The following AGBL4 variants were observed in gnomAD, a reference collection of about 807,000 sequenced individuals.
AGBL4 encodes the protein cytosolic carboxypeptidase 6.
AGBL4 carries 58 observed loss-of-function variants against 66.4 expected under a neutral mutation model. That is an observed-to-expected ratio of 0.87 (90% CI 0.71 to 1.09). The LOEUF (loss-of-function observed/expected upper bound fraction) is 1.09, where lower values mean the gene tolerates loss of function less well. AGBL4 is among the 50% of genes least tolerant of loss of function. AGBL4 has a pLI of 0.00. For synonymous variants in AGBL4, 234 were observed against 222.9 expected (o/e 1.05, Z -0.44); for missense variants, 579 against 631.0 (o/e 0.92, Z 0.88).
intron 5 of AGBL4, among the ~76,000 whole-genome samples, chr1:49,013,634 G>C (rs10788905): frequency 0.55 from 84,196 of 151,866 alleles, 23,909 homozygotes; most frequent in Non-Finnish European, 0.61. Flanking sequence ...CACCTCTTCT[G>C]TATTCTATTT....
rs138833188 is a variant in AGBL4, at chr1:48,700,131, C to A, written c.635-36890G>T. ...CCCCTTTCCCTTCCCCTTGCCTCCA[C>A]CTAGAAGGTGCCCAGCAGATAATTT... On this transcript the variant is annotated intron_variant, in intron 6 of 13. Coordinates refer to ENST00000371839, the MANE Select transcript of AGBL4 (RefSeq NM_032785.4). 4.3e-3 allele frequency among the ~76,000 whole-genome samples: 659 copies of A among 152,282 alleles called. 1 individual carries two copies. The highest frequency in any genetic ancestry group is 5.6e-3 in the Non-Finnish European group (382 of 68,032).
At chr1:49,756,389 C>T (rs942757168) in intron 2 of AGBL4, among the ~76,000 whole-genome samples, 1 of 152,120 alleles carries the variant, frequency 6.6e-6, no homozygotes. Flanking sequence ...AGGAGTTTTG[C>T]TCTTAAAGGA....
At position 48,724,737 on chromosome 1, in the gene AGBL4, C is replaced by T. The variant is rs371294588; in HGVS notation, c.635-61496G>A. 7.2e-5 allele frequency among the ~76,000 whole-genome samples: 11 copies of T among 152,178 alleles called. No homozygotes were observed. The East Asian group carries it at 1.9e-3, about 27-fold the overall frequency. Reference sequence around the variant, plus strand: ...TTTTCTCTATAATTACAAAAAAAATCGCAAGTTAGAAATGCCTACAGGAAG... The same window carrying T: ...TTTTCTCTATAATTACAAAAAAAATTGCAAGTTAGAAATGCCTACAGGAAG... On this transcript the variant is annotated intron_variant, in intron 6 of 13. Transcript: ENST00000371839.
rs574802433 is a variant in AGBL4, at chr1:48,733,593, G to C, written c.635-70352C>G. On this transcript the variant is annotated intron_variant, in intron 6 of 13. Coordinates refer to ENST00000371839, the MANE Select transcript of AGBL4 (RefSeq NM_032785.4). Reference sequence around the variant, plus strand: ...CAGATGATGCTGAGTTCCAGCTGGGGTTGGAGCTAAGGAGTGTGTAATGGC... The same window carrying C: ...CAGATGATGCTGAGTTCCAGCTGGGCTTGGAGCTAAGGAGTGTGTAATGGC... Among the ~76,000 whole-genome samples, 11 of 152,328 alleles carry C rather than the reference G, an allele frequency of 7.2e-5. No homozygotes were observed. In the South Asian group the frequency reaches 2.3e-3, roughly 32 times the overall value.
In AGBL4 at chr1:49,871,448, CTAAT is replaced by C. The variant is rs530435784; in HGVS notation, c.35-19934_35-19931del. ...GTTATCACTTTGGCTGAGTGAATGACTAATTATATAATGACCTGTGATCCTATTC... is the reference window on the plus strand; with the variant it reads ...GTTATCACTTTGGCTGAGTGAATGACTATATAATGACCTGTGATCCTATTC... On this transcript the variant is annotated intron_variant, in intron 1 of 13. Coordinates refer to ENST00000371839, the MANE Select transcript of AGBL4 (RefSeq NM_032785.4). Among the ~76,000 whole-genome samples, 803 of 152,128 alleles carry C rather than the reference CTAAT, an allele frequency of 5.3e-3. 3 individuals carry two copies. Among genetic ancestry groups the C allele is most frequent in the Middle Eastern group, 0.017 (5 of 294 alleles).
intron 4 of AGBL4, among the ~76,000 whole-genome samples, chr1:49,148,633 C>T (rs1646266467): frequency 6.6e-6 from 1 of 152,170 alleles, no homozygotes; most frequent in Admixed American, 6.5e-5. Flanking sequence ...AGCCCTGGTT[C>T]CTCTGGGTCC....
intron 1 of AGBL4, among the ~76,000 whole-genome samples, chr1:50,019,788 A>C (rs1317804339): frequency 1.3e-5 from 2 of 152,106 alleles, no homozygotes; most frequent in Non-Finnish European, 2.9e-5. Flanking sequence ...GAGGGAGAAG[A>C]AGCTAAGAAA....
At chr1:49,277,112 T>C (rs1644183152) in intron 3 of AGBL4, among the ~76,000 whole-genome samples, 1 of 152,210 alleles carries the variant, frequency 6.6e-6, no homozygotes, top group African/African-American at 2.4e-5. Context: ...CTTTCCATTG[T>C]AGTTTATAGT....
chr1:49,061,289 A>G (rs549965758), intron 4 of AGBL4, among the ~76,000 whole-genome samples: 56 of 152,290 alleles, frequency 3.7e-4, no homozygotes, highest in African/African-American at 1.3e-3. Flanking sequence ...GTGAGGGCTA[A>G]CCTACCAGGA....
intron 4 of AGBL4, among the ~76,000 whole-genome samples, chr1:49,131,001 C>G (rs1446175503): frequency 6.6e-6 from 1 of 151,954 alleles, no homozygotes; most frequent in Admixed American, 6.6e-5. Flanking sequence ...TAATGAAATT[C>G]AAATTTACAT....
chr1:50,007,805 A>C (rs532294640), intron 1 of AGBL4, among the ~76,000 whole-genome samples: 1 of 152,160 alleles, frequency 6.6e-6, no homozygotes, highest in African/African-American at 2.4e-5. Context: ...CTATAAAGAC[A>C]CACATGAACT....
At chr1:49,169,824 T>C (rs1223350895) in intron 4 of AGBL4, among the ~76,000 whole-genome samples, 1 of 152,172 alleles carries the variant, frequency 6.6e-6, no homozygotes, top group Non-Finnish European at 1.5e-5. Flanking sequence ...GATATTCAGA[T>C]GACCAGAATC....
intron 1 of AGBL4, among the ~76,000 whole-genome samples, chr1:49,874,705 T>C (rs1378498862): frequency 6.6e-6 from 1 of 152,120 alleles, no homozygotes; most frequent in Non-Finnish European, 1.5e-5. Flanking sequence ...TCTTAATTTA[T>C]CATTATCAAA....
intron 5 of AGBL4, among the ~76,000 whole-genome samples, chr1:48,899,801 A>T (rs1218665997): frequency 6.6e-6 from 1 of 152,280 alleles, no homozygotes; most frequent in East Asian, 1.9e-4. Context: ...ATACAAAGTT[A>T]AGAAAACAGA....
At chr1:49,496,661 T>C (rs1449853446) in intron 3 of AGBL4, among the ~76,000 whole-genome samples, 3 of 151,912 alleles carry the variant, frequency 2.0e-5, no homozygotes, top group African/African-American at 7.2e-5. Flanking sequence ...CACTTAGCAT[T>C]ATGTCCTCAA....
At chr1:49,060,674 T>C (rs1317304174) in intron 4 of AGBL4, among the ~76,000 whole-genome samples, 1 of 152,106 alleles carries the variant, frequency 6.6e-6, no homozygotes, top group Non-Finnish European at 1.5e-5. Context: ...AGTGGGGTAA[T>C]ACAGGCTAGG....
intron 9 of AGBL4, among the ~76,000 whole-genome samples, chr1:48,625,308 G>A (rs1487497762): frequency 2.0e-5 from 3 of 152,018 alleles, no homozygotes; most frequent in South Asian, 2.1e-4. Context: ...TGGAATTATA[G>A]TCATGCATTT....
intron 3 of AGBL4, among the ~76,000 whole-genome samples, chr1:49,308,375 AATG>A (rs1277032652): frequency 6.6e-6 from 1 of 152,122 alleles, no homozygotes; most frequent in African/African-American, 2.4e-5. Context: ...GATAGTCTTT[AATG>A]TCTATGTAAT....
intron 3 of AGBL4, among the ~76,000 whole-genome samples, chr1:49,270,622 A>G (rs1264167664): frequency 6.6e-6 from 1 of 152,106 alleles, no homozygotes; most frequent in Non-Finnish European, 1.5e-5. Context: ...TCCTGGGAGT[A>G]AAATTTTTTG....
Sources: gnomAD v4.1 joint callset for allele counts (sites outside exome capture counted in the v4.1 genomes callset) on GRCh38, gnomAD v4.1.1 for gene constraint, MANE v1.5 for transcripts, NCBI Gene and HGNC (gene_info 2026-07-23, HGNC 2026-07-21) for gene names.